The following WDPCP variants were observed in gnomAD, a reference collection of about 807,000 sequenced individuals.
WDPCP encodes WD repeat containing planar cell polarity effector, also known as WD repeat-containing and planar cell polarity effector protein fritz homolog.
Under a neutral mutation model 93.1 loss-of-function variants are expected in WDPCP, and 71 were observed. That is an observed-to-expected ratio of 0.76 (90% CI 0.63 to 0.93). The LOEUF is 0.93. Among genes scored for constraint, WDPCP ranks in the 40% least tolerant of loss-of-function variants. The pLI is 0.00. For synonymous variants in WDPCP, 315 were observed against 315.0 expected, an observed-to-expected ratio of 1.00 and a Z score of 0.00; for missense variants, 844 against 887.4, an observed-to-expected ratio of 0.95 and a Z score of 0.62.
chr2:63,526,127 CAG>C (rs1703322377), intron 1 of WDPCP, among the ~76,000 whole-genome samples: 1 of 151,960 alleles, frequency 6.6e-6, no homozygotes, highest in African/African-American at 2.4e-5. Flanking sequence ...AACTTGAGAA[CAG>C]AGGAGGAACT....
intron 6 of WDPCP, among the ~76,000 whole-genome samples, chr2:63,464,659 GA>G (rs1394466461): frequency 6.7e-6 from 1 of 149,898 alleles, no homozygotes; most frequent in Admixed American, 6.6e-5. Context: ...GATGAATGGA[GA>G]AAAAAAAATG....
chr2:63,350,940 A>C (rs1689556636), intron 12 of WDPCP, among the ~76,000 whole-genome samples: 1 of 150,914 alleles, frequency 6.6e-6, no homozygotes, highest in Non-Finnish European at 1.5e-5. Context: ...AAATTTCTAA[A>C]TATTTGTCTC....
At chr2:63,523,066 C>T (rs1366029456) in intron 1 of WDPCP, among the ~76,000 whole-genome samples, 1 of 152,158 alleles carries the variant, frequency 6.6e-6, no homozygotes, top group Non-Finnish European at 1.5e-5. Context: ...CAACAAAATA[C>T]TAGCACACAA....
At chr2:63,622,979 G>A in intron 3 of WDPCP, 3 of 663,552 alleles carry the variant, frequency 4.5e-6, no homozygotes, top group Middle Eastern at 4.1e-4. Flanking sequence ...CCAAGCAGCT[G>A]CTGCCGCCGC....
chr2:63,720,572 C>A (rs1558894059), intron 2 of WDPCP, among the ~76,000 whole-genome samples: 1 of 152,170 alleles, frequency 6.6e-6, no homozygotes, highest in Non-Finnish European at 1.5e-5. Context: ...TCCACTTACC[C>A]TCCCCATTGA....
At chr2:63,695,012 C>T (rs1668943200) in intron 2 of WDPCP, among the ~76,000 whole-genome samples, 1 of 152,056 alleles carries the variant, frequency 6.6e-6, no homozygotes, top group African/African-American at 2.4e-5. Flanking sequence ...AATACAGGAA[C>T]AATATTTTCA....
intron 2 of WDPCP, among the ~76,000 whole-genome samples, chr2:63,761,223 G>C (rs181748852): frequency 6.6e-6 from 1 of 152,096 alleles, no homozygotes; most frequent in Non-Finnish European, 1.5e-5. Flanking sequence ...GGATGAATTT[G>C]GTTCCCTTCC....
intron 14 of WDPCP, among the ~76,000 whole-genome samples, chr2:63,232,181 C>G (rs1173949690): frequency 6.6e-6 from 1 of 152,150 alleles, no homozygotes; most frequent in African/African-American, 2.4e-5. Flanking sequence ...AAAATTAATT[C>G]AAGATGGATT....
At chr2:63,655,586 A>G (rs185879787) in intron 2 of WDPCP, among the ~76,000 whole-genome samples, 1 of 152,250 alleles carries the variant, frequency 6.6e-6, no homozygotes, top group Non-Finnish European at 1.5e-5. Context: ...ACATGATTCA[A>G]AAGAGAAACT....
intron 3 of WDPCP, among the ~76,000 whole-genome samples, chr2:63,645,622 T>C (rs1186983092): frequency 6.6e-6 from 1 of 152,238 alleles, no homozygotes; most frequent in Non-Finnish European, 1.5e-5. Context: ...CCAGCTATTA[T>C]TATATTGGAG....
At chr2:63,839,057 A>G in the WDPCP span, among the ~76,000 whole-genome samples, 1 of 152,240 alleles carries the variant, frequency 6.6e-6, no homozygotes, top group East Asian at 1.9e-4. Flanking sequence ...GAAGATGGGT[A>G]GTTAGTTACT....
chr2:63,343,226 T>C (rs1575185105), intron 12 of WDPCP, among the ~76,000 whole-genome samples: 1 of 152,210 alleles, frequency 6.6e-6, no homozygotes, highest in Non-Finnish European at 1.5e-5. Context: ...CAGGCTGGTC[T>C]CAAACTCCTG....
At chr2:63,539,949 G>C (rs560194923) in intron 1 of WDPCP, among the ~76,000 whole-genome samples, 3 of 152,012 alleles carry the variant, frequency 2.0e-5, no homozygotes, top group Non-Finnish European at 4.4e-5. Context: ...ATTCTCATTG[G>C]AATGTTAAAT....
intron 14 of WDPCP, among the ~76,000 whole-genome samples, chr2:63,253,306 C>A (rs1431519244): frequency 6.6e-6 from 1 of 152,028 alleles, no homozygotes; most frequent in Non-Finnish European, 1.5e-5. Context: ...TAGGAAATGT[C>A]CTTCTGGACA....
intron 2 of WDPCP, among the ~76,000 whole-genome samples, chr2:63,679,690 A>G (rs1710468721): frequency 6.6e-6 from 1 of 152,126 alleles, no homozygotes; most frequent in African/African-American, 2.4e-5. Flanking sequence ...CCTCGTTAGT[A>G]GGTTTCTAGT....
At chr2:63,394,333 AG>A (rs1364826411) in intron 10 of WDPCP, among the ~76,000 whole-genome samples, 2 of 151,998 alleles carry the variant, frequency 1.3e-5, no homozygotes, top group African/African-American at 4.8e-5. Flanking sequence ...AACCACAATG[AG>A]ATGCCATCTC....
intron 13 of WDPCP, among the ~76,000 whole-genome samples, chr2:63,292,220 T>C (rs1285356655): frequency 6.6e-6 from 1 of 151,624 alleles, no homozygotes; most frequent in African/African-American, 2.4e-5. Flanking sequence ...GAAAGTTGGC[T>C]CTTTTAGTCT....
intron 2 of WDPCP, among the ~76,000 whole-genome samples, chr2:63,736,404 T>C (rs1485396578): frequency 6.6e-6 from 1 of 152,244 alleles, no homozygotes; most frequent in African/African-American, 2.4e-5. Flanking sequence ...CTGGCTTAAA[T>C]GCAATGTAGC....
chr2:63,415,226 G>A (rs1205796075), intron 9 of WDPCP, among the ~76,000 whole-genome samples: 1 of 152,072 alleles, frequency 6.6e-6, no homozygotes, highest in Non-Finnish European at 1.5e-5. Flanking sequence ...AGCCAGGCAC[G>A]GTGGCACGTA....
Sources: allele counts gnomAD v4.1 joint callset (sites outside exome capture counted in the v4.1 genomes callset), GRCh38; gene constraint gnomAD v4.1.1; transcripts MANE v1.5; gene names NCBI Gene and HGNC (gene_info 2026-07-23, HGNC 2026-07-21).